FAT2: variants seen among roughly 807,000 people sequenced by gnomAD.
The protein encoded by FAT2 is protocadherin Fat 2.
Under a neutral mutation model 295.3 loss-of-function variants are expected in FAT2, and 150 were observed. That is an observed-to-expected ratio of 0.51 (90% CI 0.44 to 0.58). The LOEUF is 0.58. FAT2 is among the 20% of genes least tolerant of loss of function. FAT2 has a pLI of 0.00. For synonymous variants in FAT2, 2,026 were observed against 2,150.3 expected (o/e 0.94, Z 1.60); for missense variants, 4,868 against 5,442.7 (o/e 0.89, Z 3.32).
Position 151,566,332 on chromosome 5 carries a change from G to C in FAT2, c.2600C>G (p.Ser867Cys), listed in dbSNP as rs145872989. Residue 867 changes from serine (S) to cysteine (C), a missense_variant, in exon 2 of 24, where the codon TCC becomes TGC. Transcript: ENST00000261800. ...YTLLSPTEKF[S>C]LHPLTGELVV... Reference sequence around the variant, plus strand: ...CAGTTCCCCAGTGAGAGGGTGGAGGGAGAACTTCTCTGTGGGACTTAGCAG... The same window carrying C: ...CAGTTCCCCAGTGAGAGGGTGGAGGCAGAACTTCTCTGTGGGACTTAGCAG... The C allele has an allele frequency of 5.6e-6, 9 of 1,614,002 alleles. No individual in the cohort carries two copies. Among genetic ancestry groups the C allele is most frequent in the African/African-American group, 1.3e-5 (1 of 74,908 alleles).
At chr5:151,585,144 C>T (rs992016448) in intron 1 of FAT2, among the ~76,000 whole-genome samples, 1 of 152,212 alleles carries the variant, frequency 6.6e-6, no homozygotes, top group Non-Finnish European at 1.5e-5. Context: ...TAAATAGCCC[C>T]TAAAGAAGGA....
At chr5:151,514,089 G>A (rs1456567269) in intron 20 of FAT2, among the ~76,000 whole-genome samples, 1 of 152,168 alleles carries the variant, frequency 6.6e-6, no homozygotes, top group Non-Finnish European at 1.5e-5. Flanking sequence ...CTAACCCAGT[G>A]TTTCTTATAC....
At chr5:151,546,394 G>A in intron 9 of FAT2, 57 bp from the exon 10 acceptor site, 3 of 1,357,202 alleles carry the variant, frequency 2.2e-6, no homozygotes, top group Non-Finnish European at 3.1e-6. Flanking sequence ...TATCAGCTAG[G>A]CTTTCTAGAT....
rs775759369 is a variant in FAT2, at chr5:151,544,585, G to C, written c.6542C>G (p.Pro2181Arg). 2 of 1,613,948 alleles carry C rather than the reference G, an allele frequency of 1.2e-6. No homozygotes were observed. The highest frequency in any genetic ancestry group is 2.2e-5 in the East Asian group (1 of 44,892). ...TGGGGTATAGAGGGTGATATTTTCAGGTACTCTGACTTTGTAATAAGGACT... is the reference window on the plus strand; with the variant it reads ...TGGGGTATAGAGGGTGATATTTTCACGTACTCTGACTTTGTAATAAGGACT... Reference protein sequence around the residue: ...FQSPYYKVRVPENITLYTPIL... With the variant: ...FQSPYYKVRVRENITLYTPIL... The change falls in exon 10 of 24, where the codon CCT (proline) becomes CGT (arginine). Residue 2181 changes from proline (P) to arginine (R), a missense_variant. Physicochemically the swap from Pro to Arg is moderately radical, Grantham distance 103. Around this residue, in one of 5 missense-constraint regions of FAT2, gnomAD observed 3,297 missense variants for 3,669.4 expected, o/e 0.90. Coordinates refer to ENST00000261800, the MANE Select transcript of FAT2 (RefSeq NM_001447.3).
chr5:151,580,548 C>T (rs763726944), intron 1 of FAT2, among the ~76,000 whole-genome samples: 41 of 152,186 alleles, frequency 2.7e-4, no homozygotes, highest in Admixed American at 4.6e-4. Context: ...GACTCTCATT[C>T]GGGCCCCAGG....
At position 151,505,483 on chromosome 5, in the gene FAT2, C is replaced by A; in HGVS notation, c.*82G>T. 1 of 1,549,516 alleles carries A rather than the reference C, an allele frequency of 6.5e-7. No individual in the cohort carries two copies. The highest frequency in any genetic ancestry group is 1.2e-5 in the South Asian group (1 of 86,024). ...TCCCTCCCACTCTCCCAGCCACACT[C>A]AACTCACCCCCTACGAGACAGGAAG... On this transcript the variant is annotated 3_prime_UTR_variant, in exon 24 of 24. Coordinates refer to ENST00000261800, the MANE Select transcript of FAT2 (RefSeq NM_001447.3).
At chr5:151,518,786 C>G (rs1246045262) in intron 19 of FAT2, among the ~76,000 whole-genome samples, 1 of 152,204 alleles carries the variant, frequency 6.6e-6, no homozygotes, top group Non-Finnish European at 1.5e-5. Context: ...ATGTGGACCA[C>G]TCTTGGGAAT....
At chr5:151,593,653 C>T (rs1239074595), upstream of FAT2, among the ~76,000 whole-genome samples, 2 of 152,144 alleles carry the variant, frequency 1.3e-5, no homozygotes, top group African/African-American at 4.8e-5. Context: ...AGCTCATATT[C>T]CACTCCCCTT....
At position 151,542,684 on chromosome 5, in the gene FAT2, A is replaced by G. The variant is rs2127605868; in HGVS notation, c.8443T>C (p.Ser2815Pro). The G allele has an allele frequency of 6.2e-7, 1 of 1,614,226 alleles. No individual in the cohort carries two copies. ...VLTENMPVGT[S>P]VIQVTAIDKD... ...TCAATGGCAGTCACTTGAATGACTG[A>G]GGTCCCCACTGGCATATTCTCAGTG... Residue 2815 changes from serine (S) to proline (P), a missense_variant, in exon 10 of 24, where the codon TCA becomes CCA. Transcript: ENST00000261800.
intron 18 of FAT2, among the ~76,000 whole-genome samples, chr5:151,522,713 C>T (rs562577628): frequency 3.9e-5 from 6 of 152,136 alleles, no homozygotes; most frequent in Admixed American, 3.9e-4. Flanking sequence ...ACATTTGAGT[C>T]CTGAGGGATG....
At chr5:151,537,277 T>A (rs115742095) in intron 12 of FAT2, among the ~76,000 whole-genome samples, 12,404 of 132,746 alleles carry the variant, frequency 0.093, 814 homozygotes, top group East Asian at 0.24. Context: ...ATGGTGGTGG[T>A]GGAGGAGGAG....
chr5:151,572,860 C>G (rs930807381), intron 1 of FAT2, among the ~76,000 whole-genome samples: 3 of 152,218 alleles, frequency 2.0e-5, no homozygotes, highest in African/African-American at 7.2e-5. Flanking sequence ...GGCCTAGCCA[C>G]AGACTGTTCC....
rs370137313 is a variant in FAT2, at chr5:151,512,217, G to A, written c.11853C>T (p.Cys3951=). Reference sequence around the variant, plus strand: ...CACCATTGAGGCATGTGTTCTGGCTGCAGTAGTCACTGTGGAGGCAGCACT... The same window carrying A: ...CACCATTGAGGCATGTGTTCTGGCTACAGTAGTCACTGTGGAGGCAGCACT... ...LTQCCLHSDY[C]SQNTCLNGGK... The change falls in exon 21 of 24, where the codon TGC becomes TGT. Residue 3951 remains cysteine, a synonymous_variant. Coordinates refer to ENST00000261800, the MANE Select transcript of FAT2 (RefSeq NM_001447.3). The surrounding 1 kb of genome is among the most constrained non-coding windows in gnomAD (Gnocchi z 4.1). 1 of 1,614,246 alleles carries A rather than the reference G, an allele frequency of 6.2e-7. No individual in the cohort carries two copies. Among genetic ancestry groups the A allele is most frequent in the Non-Finnish European group, 8.5e-7 (1 of 1,180,052 alleles).
intron 1 of FAT2, among the ~76,000 whole-genome samples, chr5:151,573,444 G>A (rs896592097): frequency 6.6e-6 from 1 of 152,084 alleles, no homozygotes; most frequent in East Asian, 1.9e-4. Context: ...TCACAAGGTC[G>A]GGAGATGAAG....
At chr5:151,510,268 A>C (rs928771506) in intron 21 of FAT2, 94 bp from the exon 22 acceptor site, 14 of 1,393,940 alleles carry the variant, frequency 1.0e-5, no homozygotes, top group Non-Finnish European at 1.4e-5. Flanking sequence ...GCAGCCGTTC[A>C]GTTACCATTT....
intron 1 of FAT2, among the ~76,000 whole-genome samples, chr5:151,579,841 C>T (rs920788205): frequency 6.6e-6 from 1 of 151,914 alleles, no homozygotes; most frequent in Non-Finnish European, 1.5e-5. Flanking sequence ...ATGCATGGCA[C>T]CTAGTAGTTG....
chr5:151,588,557 C>A (rs1197589081), intron 1 of FAT2, among the ~76,000 whole-genome samples: 1 of 152,174 alleles, frequency 6.6e-6, no homozygotes, highest in East Asian at 1.9e-4. Flanking sequence ...TCTATGAATT[C>A]AAAATGAAGA....
intron 1 of FAT2, among the ~76,000 whole-genome samples, chr5:151,590,226 C>A (rs1341145383): frequency 6.6e-6 from 1 of 152,248 alleles, no homozygotes; most frequent in Non-Finnish European, 1.5e-5. Flanking sequence ...GGCTGAAGGA[C>A]TAGAAGCACC....
rs2127608398 is a variant in FAT2, at chr5:151,543,815, T to A, written c.7312A>T (p.Met2438Leu). 2 of 1,614,094 alleles carry A rather than the reference T, an allele frequency of 1.2e-6. No individual in the cohort carries two copies. The highest frequency in any genetic ancestry group is 1.7e-6 in the Non-Finnish European group (2 of 1,179,998). The change falls in exon 10 of 24, where the codon ATG becomes TTG. Residue 2438 changes from methionine (M) to leucine (L), a missense_variant. Met to Leu is a conservative substitution (Grantham distance 15). This residue lies in a region of FAT2 where 3,297 missense variants were observed against 3,669.4 expected (regional missense o/e 0.90). Transcript: ENST00000261800. The stretch of plus-strand genomic sequence containing the variant: ...AGGTGCTTTTTGCAAAGGTTGAACA[T>A]AGAAATTATTCCCGATGAGCTGTTA... ...FINSSSGIIS[M>L]FNLCKKHLDS...
Sources: allele counts gnomAD v4.1 joint callset (sites outside exome capture counted in the v4.1 genomes callset), GRCh38; gene constraint gnomAD v4.1.1; regional missense constraint gnomAD v4.1.1; non-coding constraint Gnocchi (gnomAD v3.1); transcripts MANE v1.5; gene names NCBI Gene and HGNC (gene_info 2026-07-23, HGNC 2026-07-21).